Variants in SNX29 observed in about 807,000 individuals in gnomAD.
SNX29 encodes sorting nexin 29, also known as sorting nexin-29.
Under a neutral mutation model 102.1 loss-of-function variants are expected in SNX29, and 78 were observed. The observed-to-expected ratio is 0.76, with a 90% CI of 0.64 to 0.92. The LOEUF is 0.92. SNX29 is among the 40% of genes least tolerant of loss of function. The pLI is 0.00. For synonymous variants in SNX29, 580 were observed against 414.5 expected, an observed-to-expected ratio of 1.40 and a Z score of -4.85; for missense variants, 1,280 against 1,061.7, an observed-to-expected ratio of 1.21 and a Z score of -2.86.
chr16:12,536,524 C>G (rs971652206), intron 20 of SNX29, among the ~76,000 whole-genome samples: 2 of 152,268 alleles, frequency 1.3e-5, no homozygotes, highest in East Asian at 1.9e-4. Flanking sequence ...CCTCTATTTT[C>G]CCCTCTGTAA....
Position 12,051,966 on chromosome 16 carries a change from G to C in SNX29, c.868G>C (p.Glu290Gln), listed in dbSNP as rs2050324177. The change falls in exon 8 of 21, where the codon GAG (glutamate) becomes CAG (glutamine). Residue 290 changes from glutamate to glutamine, a missense_variant. Coordinates refer to ENST00000566228, the MANE Select transcript of SNX29 (RefSeq NM_032167.5). Reference protein sequence around the residue: ...DVFKKTPGAGESSEDNSDRSS... With the variant: ...DVFKKTPGAGQSSEDNSDRSS... ...GTTTAAAAAGACACCTGGGGCAGGG[G>C]AGAGCTCAGAGGACAACTCCGACCG... 2 of 1,613,802 alleles carry C rather than the reference G, an allele frequency of 1.2e-6. No individual in the cohort carries two copies. The highest frequency in any genetic ancestry group is 1.3e-5 in the African/African-American group (1 of 74,910).
chr16:12,236,700 C>G (rs1303584524), intron 14 of SNX29, among the ~76,000 whole-genome samples: 1 of 152,192 alleles, frequency 6.6e-6, no homozygotes, highest in African/African-American at 2.4e-5. Context: ...GTGCCAGGTA[C>G]CACAGTGAAC....
At chr16:12,054,053 C>T (rs896915421) in intron 8 of SNX29, among the ~76,000 whole-genome samples, 11 of 151,702 alleles carry the variant, frequency 7.3e-5, no homozygotes, top group Non-Finnish European at 1.5e-4. Context: ...CTGCAAACTC[C>T]GCCTCCCGGG....
At chr16:12,473,781 A>G (rs931361474) in intron 18 of SNX29, among the ~76,000 whole-genome samples, 2 of 152,178 alleles carry the variant, frequency 1.3e-5, no homozygotes, top group Non-Finnish European at 2.9e-5. Context: ...TCTCTGCTAC[A>G]CTTCCACCAG....
At chr16:12,186,574 C>T (rs2076515304) in intron 13 of SNX29, among the ~76,000 whole-genome samples, 1 of 152,178 alleles carries the variant, frequency 6.6e-6, no homozygotes, top group Non-Finnish European at 1.5e-5. Context: ...TCATATTTCA[C>T]CAATGGGGCC....
chr16:12,268,157 C>G (rs1411165146), intron 14 of SNX29, among the ~76,000 whole-genome samples: 1 of 152,228 alleles, frequency 6.6e-6, no homozygotes, highest in Non-Finnish European at 1.5e-5. Context: ...CCATCATTTT[C>G]TCACACTTTA....
intron 19 of SNX29, among the ~76,000 whole-genome samples, chr16:12,524,207 T>TTAA (rs2090208924): frequency 6.6e-6 from 1 of 152,174 alleles, no homozygotes; most frequent in African/African-American, 2.4e-5. Flanking sequence ...AACCTCTTTC[T>TTAA]TAATCAGTGG....
At chr16:12,503,728 G>A (rs1468509827) in intron 19 of SNX29, among the ~76,000 whole-genome samples, 1 of 152,088 alleles carries the variant, frequency 6.6e-6, no homozygotes, top group Non-Finnish European at 1.5e-5. Context: ...TTCACTGTCA[G>A]AGAGGCTTTC....
intron 15 of SNX29, among the ~76,000 whole-genome samples, chr16:12,326,944 C>T (rs1217606001): frequency 6.6e-6 from 1 of 152,102 alleles, no homozygotes; most frequent in Non-Finnish European, 1.5e-5. Context: ...GGAATGGGGG[C>T]AGCTGCTGCA....
chr16:12,342,256 G>C lies in SNX29; in HGVS notation c.1783-13907G>C, dbSNP rs2081631179. ...CCTCTGCAAGGGAAGAAAAGTCACA[G>C]ATGTCTGCTGCATGCCTCCTGAGGG... On this transcript the variant is annotated intron_variant, in intron 15 of 20. Coordinates refer to ENST00000566228, the MANE Select transcript of SNX29 (RefSeq NM_032167.5). Among the ~76,000 whole-genome samples, 3 of 152,220 alleles carry C rather than the reference G, an allele frequency of 2.0e-5. 1 individual carries two copies. The South Asian group carries it at 6.2e-4, about 32-fold the overall frequency.
chr16:12,366,789 C>T (rs1024186133), intron 16 of SNX29, among the ~76,000 whole-genome samples: 2 of 151,692 alleles, frequency 1.3e-5, no homozygotes, highest in African/African-American at 2.4e-5. Context: ...CTTTCTCTCC[C>T]TCTCTCTCCT....
chr16:12,191,179 C>T (rs1317312778), intron 13 of SNX29, among the ~76,000 whole-genome samples: 4 of 152,146 alleles, frequency 2.6e-5, no homozygotes, highest in African/African-American at 9.7e-5. Flanking sequence ...GTTCGTGCTC[C>T]TATGAGAATC....
At position 12,040,895 on chromosome 16, in the gene SNX29, C is replaced by G. The variant is rs145986172; in HGVS notation, c.248-2002C>G. ...GTGGCGTGATCTCGGCTCTCTGCAACCTCCGTCTCCTGGGTTCAAGCGATT... is the reference window on the plus strand; with the variant it reads ...GTGGCGTGATCTCGGCTCTCTGCAAGCTCCGTCTCCTGGGTTCAAGCGATT... On this transcript the variant is annotated intron_variant, in intron 4 of 20. Coordinates refer to ENST00000566228, the MANE Select transcript of SNX29 (RefSeq NM_032167.5). 3.6e-3 allele frequency among the ~76,000 whole-genome samples: 548 copies of G among 152,270 alleles called. 4 individuals carry two copies. Among genetic ancestry groups the G allele is most frequent in the African/African-American group, 0.013 (523 of 41,558 alleles).
At chr16:12,358,351 C>T (rs544136020) in intron 16 of SNX29, among the ~76,000 whole-genome samples, 19 of 152,270 alleles carry the variant, frequency 1.2e-4, no homozygotes, top group Admixed American at 1.1e-3. Flanking sequence ...GGGCAGATCA[C>T]TTGAGATCAG....
chr16:12,134,530 G>T (rs889934711), intron 13 of SNX29, among the ~76,000 whole-genome samples: 5 of 152,198 alleles, frequency 3.3e-5, no homozygotes, highest in Non-Finnish European at 5.9e-5. Context: ...CCGTGGGGCT[G>T]CTCCCAACAC....
intron 20 of SNX29, chr16:12,526,901 A>G (rs552222696): frequency 2.5e-6 from 1 of 394,840 alleles, no homozygotes; most frequent in South Asian, 2.6e-5. Flanking sequence ...AATCTCAGCC[A>G]TGCTGGTTGC....
intron 20 of SNX29, among the ~76,000 whole-genome samples, chr16:12,554,601 GA>G (rs2078206932): frequency 6.6e-6 from 1 of 152,194 alleles, no homozygotes; most frequent in African/African-American, 2.4e-5. Context: ...TCCCAAGCCA[GA>G]GGAGCTCACT....
At chr16:12,193,614 A>G (rs1427919958) in intron 13 of SNX29, among the ~76,000 whole-genome samples, 1 of 152,232 alleles carries the variant, frequency 6.6e-6, no homozygotes, top group Non-Finnish European at 1.5e-5. Context: ...ATTTTCTTCT[A>G]AACCTTTTAT....
intron 19 of SNX29, among the ~76,000 whole-genome samples, chr16:12,513,217 C>T (rs2089711199): frequency 6.6e-6 from 1 of 151,090 alleles, no homozygotes; most frequent in African/African-American, 2.4e-5. Context: ...CCCTACTGTG[C>T]CTGCCTTTCT....
Sources: gnomAD v4.1 joint callset for allele counts (sites outside exome capture counted in the v4.1 genomes callset) on GRCh38, gnomAD v4.1.1 for gene constraint, MANE v1.5 for transcripts, NCBI Gene and HGNC (gene_info 2026-07-23, HGNC 2026-07-21) for gene names.